The following CACNA2D3 variants were observed in gnomAD, a reference collection of about 807,000 sequenced individuals.
CACNA2D3 encodes calcium voltage-gated channel auxiliary subunit alpha2delta 3, also known as voltage-dependent calcium channel subunit alpha-2/delta-3.
Under a neutral mutation model 160.6 loss-of-function variants are expected in CACNA2D3, and 60 were observed. That is an observed-to-expected ratio of 0.37 (90% CI 0.30 to 0.46). CACNA2D3 has a LOEUF of 0.46. Ranked by LOEUF, CACNA2D3 falls within the 20% of genes least tolerant of loss-of-function variation. The probability of loss-of-function intolerance (pLI) is 1.00; values close to 1 mark genes in which losing one functional copy is unlikely to be tolerated. For synonymous variants in CACNA2D3, 558 were observed against 492.9 expected (o/e 1.13, Z -1.75); for missense variants, 1,205 against 1,365.0 (o/e 0.88, Z 1.85).
At chr3:54,471,152 A>G (rs1488520964) in intron 4 of CACNA2D3, among the ~76,000 whole-genome samples, 2 of 152,210 alleles carry the variant, frequency 1.3e-5, no homozygotes. Flanking sequence ...TTGACTATGT[A>G]ATTGGAAGTA....
intron 2 of CACNA2D3, among the ~76,000 whole-genome samples, chr3:54,287,988 T>C (rs1010299308): frequency 1.3e-5 from 2 of 151,170 alleles, no homozygotes; most frequent in African/African-American, 2.4e-5. Context: ...AGATCCAAAA[T>C]TGACACCCTA....
At chr3:54,750,944 G>A (rs1701844892) in intron 11 of CACNA2D3, among the ~76,000 whole-genome samples, 1 of 151,684 alleles carries the variant, frequency 6.6e-6, no homozygotes, top group Admixed American at 6.6e-5. Context: ...TAATTTTTTT[G>A]TATTTTTAGT....
At chr3:54,475,104 G>A (rs1477618994) in intron 4 of CACNA2D3, among the ~76,000 whole-genome samples, 1 of 152,206 alleles carries the variant, frequency 6.6e-6, no homozygotes, top group Non-Finnish European at 1.5e-5. Flanking sequence ...AGTCAGGGAT[G>A]AATGAAGCAA....
chr3:54,884,111 AG>A (rs1699871879), intron 21 of CACNA2D3, among the ~76,000 whole-genome samples: 1 of 152,166 alleles, frequency 6.6e-6, no homozygotes, highest in Admixed American at 6.5e-5. Flanking sequence ...AAAGGAAGGA[AG>A]GAAAGTTGTT....
intron 2 of CACNA2D3, among the ~76,000 whole-genome samples, chr3:54,133,972 C>T (rs189710279): frequency 2.7e-4 from 41 of 152,292 alleles, no homozygotes; most frequent in East Asian, 9.7e-4. Flanking sequence ...AGGCATGTGA[C>T]GGTCTTAGCA....
intron 35 of CACNA2D3, among the ~76,000 whole-genome samples, chr3:55,019,750 T>C (rs1039679593): frequency 2.0e-5 from 3 of 152,200 alleles, no homozygotes; most frequent in Admixed American, 2.0e-4. Flanking sequence ...ATTTTCTGTT[T>C]TGTTGCACTA....
intron 3 of CACNA2D3, among the ~76,000 whole-genome samples, chr3:54,322,871 A>C (rs1704035121): frequency 6.6e-6 from 1 of 152,194 alleles, no homozygotes; most frequent in Non-Finnish European, 1.5e-5. Flanking sequence ...GAGAAGAAAA[A>C]AATAAGTTGC....
chr3:54,813,466 G>C (rs1703376874), intron 13 of CACNA2D3, among the ~76,000 whole-genome samples: 1 of 152,124 alleles, frequency 6.6e-6, no homozygotes, highest in East Asian at 1.9e-4. Context: ...AGGCATGTGG[G>C]AATGTGAGTT....
chr3:54,612,431 C>A (rs917100954), intron 9 of CACNA2D3, among the ~76,000 whole-genome samples: 6 of 152,110 alleles, frequency 3.9e-5, no homozygotes, highest in Non-Finnish European at 5.9e-5. Flanking sequence ...AGAAAAAGGC[C>A]AAGTTGGCTT....
chr3:54,563,610 G>A (rs1413397626), intron 6 of CACNA2D3, among the ~76,000 whole-genome samples: 1 of 152,160 alleles, frequency 6.6e-6, no homozygotes, highest in Admixed American at 6.5e-5. Context: ...TAATTAAAAA[G>A]GGAAGTTTTA....
chr3:55,000,774 G>C (rs961531352), intron 31 of CACNA2D3, among the ~76,000 whole-genome samples: 1 of 152,060 alleles, frequency 6.6e-6, no homozygotes, highest in Admixed American at 6.6e-5. Flanking sequence ...TGACTCATCA[G>C]CCCTTCAGCT....
intron 3 of CACNA2D3, among the ~76,000 whole-genome samples, chr3:54,363,251 T>C (rs1431532665): frequency 6.6e-6 from 1 of 152,012 alleles, no homozygotes; most frequent in Non-Finnish European, 1.5e-5. Context: ...TATGAAAGTA[T>C]TATACTACAG....
intron 29 of CACNA2D3, among the ~76,000 whole-genome samples, chr3:54,978,379 G>A (rs1702435907): frequency 6.6e-6 from 1 of 152,108 alleles, no homozygotes; most frequent in Admixed American, 6.5e-5. Flanking sequence ...AAGCTGATAG[G>A]GGCAATGCCA....
intron 27 of CACNA2D3, among the ~76,000 whole-genome samples, chr3:54,910,421 C>A (rs927700769): frequency 5.3e-5 from 8 of 152,316 alleles, no homozygotes; most frequent in African/African-American, 1.7e-4. Context: ...AAATATTCCT[C>A]ATGAAGGTCA....
chr3:54,197,778 AAC>A (rs1701107745), intron 2 of CACNA2D3, among the ~76,000 whole-genome samples: 1 of 152,180 alleles, frequency 6.6e-6, no homozygotes, highest in Non-Finnish European at 1.5e-5. Flanking sequence ...AACTGAGTGG[AAC>A]AGTCGCCTAT....
intron 2 of CACNA2D3, among the ~76,000 whole-genome samples, chr3:54,208,162 A>G (rs188818194): frequency 6.2e-4 from 94 of 152,096 alleles, no homozygotes; most frequent in Non-Finnish European, 1.1e-3. Context: ...CTGGAGTGCA[A>G]TGGTGCGATC....
At chr3:54,687,298 G>A (rs1196452329) in intron 11 of CACNA2D3, among the ~76,000 whole-genome samples, 3 of 141,480 alleles carry the variant, frequency 2.1e-5, no homozygotes, top group Non-Finnish European at 4.6e-5. Context: ...TCACCACCAA[G>A]CCTGGCTAAT....
At chr3:54,896,493 T>C (rs563230418) in intron 25 of CACNA2D3, among the ~76,000 whole-genome samples, 21 of 152,290 alleles carry the variant, frequency 1.4e-4, no homozygotes, top group African/African-American at 5.1e-4. Context: ...CTTCAGACTT[T>C]AAGACAATTA....
chr3:54,586,060 C>T (rs941251535), intron 9 of CACNA2D3, among the ~76,000 whole-genome samples: 8 of 152,028 alleles, frequency 5.3e-5, no homozygotes, highest in South Asian at 2.1e-4. Flanking sequence ...GTCAGGAAAT[C>T]GAGACCATCC....
Sources: gnomAD v4.1 joint callset for allele counts (sites outside exome capture counted in the v4.1 genomes callset) on GRCh38, gnomAD v4.1.1 for gene constraint, MANE v1.5 for transcripts, NCBI Gene and HGNC (gene_info 2026-07-23, HGNC 2026-07-21) for gene names.